The following CD96 variants were observed in gnomAD, a reference collection of about 807,000 sequenced individuals.
The protein encoded by CD96 is T-cell surface protein tactile.
In CD96, 70 loss-of-function variants were observed where a neutral mutation model predicts 71.3. The observed-to-expected ratio is 0.98, with a 90% CI of 0.81 to 1.20. The LOEUF is 1.20. Among genes scored for constraint, CD96 ranks in the 50% most tolerant of loss-of-function variants. The probability of loss-of-function intolerance (pLI) is 0.00; values close to 1 mark genes in which losing one functional copy is unlikely to be tolerated. For synonymous variants in CD96, 248 were observed against 233.0 expected (o/e 1.06, Z -0.59); for missense variants, 742 against 677.5 (o/e 1.10, Z -1.06).
chr3:111,572,981 C>A (rs1347212051), intron 3 of CD96, among the ~76,000 whole-genome samples: 1 of 152,130 alleles, frequency 6.6e-6, no homozygotes, highest in African/African-American at 2.4e-5. Flanking sequence ...GACAGTGTAT[C>A]TAACATTCAT....
chr3:111,619,813 T>C (rs191000648), intron 8 of CD96, among the ~76,000 whole-genome samples: 1 of 152,372 alleles, frequency 6.6e-6, no homozygotes, highest in Non-Finnish European at 1.5e-5. Flanking sequence ...GGTCAGGTTC[T>C]AAGAAGGGAT....
chr3:111,617,885 T>A (rs562028341), intron 8 of CD96, among the ~76,000 whole-genome samples: 1 of 152,198 alleles, frequency 6.6e-6, no homozygotes, highest in Non-Finnish European at 1.5e-5. Flanking sequence ...ACCTAAGGCC[T>A]CCCAGGCCAG....
intron 2 of CD96, among the ~76,000 whole-genome samples, chr3:111,548,166 A>C (rs1001651464): frequency 2.6e-5 from 4 of 152,216 alleles, no homozygotes; most frequent in East Asian, 3.8e-4. Flanking sequence ...GAAGTGGTGC[A>C]TAAGAACCTA....
chr3:111,584,475 A>ATTAGTCTGTTTAT (rs1345175871), intron 4 of CD96, among the ~76,000 whole-genome samples: 1 of 152,174 alleles, frequency 6.6e-6, no homozygotes, highest in Non-Finnish European at 1.5e-5. Context: ...AATTTATTGT[A>ATTAGTCTGTTTAT]TTAGTCTGTT....
rs1940029589 is a variant in CD96 at position 111,650,510 on chromosome 3, T to G, written c.*704T>G. On this transcript the variant is annotated 3_prime_UTR_variant, in exon 14 of 14. Transcript: ENST00000352690. ...ACAAAACTCCACTGGCCTCTAAAAT[T>G]ATATTAGCCAAGAGTGGTTTCATTT... 1 of 152,676 alleles carries G rather than the reference T, an allele frequency of 6.5e-6. No homozygotes were observed. Among genetic ancestry groups the G allele is most frequent in the Non-Finnish European group, 1.5e-5 (1 of 68,424 alleles). 9.5% of individuals were successfully genotyped at this position (152,676 alleles called of 1,614,324 possible). A position where few individuals can be genotyped will look rare whatever the true frequency, so the allele number is the denominator to read the frequency against.
intron 3 of CD96, among the ~76,000 whole-genome samples, chr3:111,578,763 T>C (rs1304009228): frequency 6.6e-6 from 1 of 152,180 alleles, no homozygotes; most frequent in Non-Finnish European, 1.5e-5. Flanking sequence ...GCTCCAGATA[T>C]ACAGTTCATA....
chr3:111,545,493 G>T (rs1374637933), intron 2 of CD96, 91 bp downstream of exon 2: 1 of 868,418 alleles, frequency 1.2e-6, no homozygotes, highest in East Asian at 2.5e-5. Context: ...TAGGCTTGGT[G>T]CTCAGCATAC....
intron 14 of CD96, among the ~76,000 whole-genome samples, chr3:111,660,186 A>C (rs1289666756): frequency 6.6e-6 from 1 of 152,232 alleles, no homozygotes; most frequent in African/African-American, 2.4e-5. Flanking sequence ...TCACAGAATC[A>C]GTGTATAAAT....
intron 5 of CD96, 53 bp downstream of exon 5, chr3:111,585,431 C>A: frequency 8.6e-7 from 1 of 1,169,006 alleles, no homozygotes; most frequent in Non-Finnish European, 1.3e-6. Flanking sequence ...TAAGGTGTGT[C>A]AGGTTGCATA....
intron 5 of CD96, among the ~76,000 whole-genome samples, chr3:111,597,045 C>T (rs922693182): frequency 6.6e-6 from 1 of 152,162 alleles, no homozygotes; most frequent in Non-Finnish European, 1.5e-5. Context: ...GCTCTATAGG[C>T]CCAGACTTCT....
intron 5 of CD96, among the ~76,000 whole-genome samples, chr3:111,595,718 C>A (rs1937224749): frequency 6.7e-6 from 1 of 150,250 alleles, no homozygotes; most frequent in African/African-American, 2.4e-5. Flanking sequence ...TATATATATA[C>A]ATACATTATA....
At chr3:111,592,128 G>A (rs538339167) in intron 5 of CD96, among the ~76,000 whole-genome samples, 20 of 152,310 alleles carry the variant, frequency 1.3e-4, no homozygotes, top group African/African-American at 4.8e-4. Flanking sequence ...TAATGTGTGT[G>A]TTTGGTTGGA....
chr3:111,611,088 T>A (rs1041392306), intron 8 of CD96, among the ~76,000 whole-genome samples: 2 of 152,190 alleles, frequency 1.3e-5, no homozygotes, highest in African/African-American at 4.8e-5. Context: ...CTGCCTCCTA[T>A]TGTTATGTCT....
intron 8 of CD96, among the ~76,000 whole-genome samples, chr3:111,620,921 GATTTATGTCAC>G (rs1938492243): frequency 6.6e-6 from 1 of 152,156 alleles, no homozygotes; most frequent in South Asian, 2.1e-4. Flanking sequence ...CTTGAGAAAT[GATTTATGTCAC>G]ATTATTTTCT....
Position 111,600,187 on chromosome 3 carries a change from G to A in CD96, c.899-539G>A, listed in dbSNP as rs116714149. ...AGAGAAGTCAGATATGAGCTCCTTC[G>A]TCCTTCCTCTCTAAGGGCCACAGCC... is the stretch of plus-strand genomic sequence containing the variant. On this transcript the variant is annotated intron_variant, in intron 6 of 13. Transcript: ENST00000352690. 4.2e-3 allele frequency among the ~76,000 whole-genome samples: 644 copies of A among 152,210 alleles called. 5 individuals are homozygous for A. Among genetic ancestry groups the A allele is most frequent in the African/African-American group, 0.014 (574 of 41,534 alleles).
intron 12 of CD96, among the ~76,000 whole-genome samples, chr3:111,639,281 G>C (rs533356469): frequency 6.6e-6 from 1 of 152,168 alleles, no homozygotes; most frequent in Non-Finnish European, 1.5e-5. Flanking sequence ...GGCTGTTGGC[G>C]GGGTGGGGGG....
chr3:111,570,524 G>C, intron 3 of CD96: 1 of 976,332 alleles, frequency 1.0e-6, no homozygotes, highest in South Asian at 1.6e-5. Context: ...CAAATGGGAC[G>C]CATGTGTGTT....
chr3:111,577,398 T>C (rs1936266936), intron 3 of CD96: 1 of 824,612 alleles, frequency 1.2e-6, no homozygotes. Context: ...TGACATGCTC[T>C]CCACTTTCTT....
chr3:111,555,807 T>C (rs1037434280), intron 2 of CD96, among the ~76,000 whole-genome samples: 2 of 152,296 alleles, frequency 1.3e-5, no homozygotes, highest in African/African-American at 2.4e-5. Context: ...TTTTAAATAA[T>C]CAAATATGTG....
Sources: gnomAD v4.1 joint callset for allele counts (sites outside exome capture counted in the v4.1 genomes callset) on GRCh38, gnomAD v4.1.1 for gene constraint, MANE v1.5 for transcripts, NCBI Gene and HGNC (gene_info 2026-07-23, HGNC 2026-07-21) for gene names.